ZNF2: variants seen among roughly 807,000 people sequenced by gnomAD.
ZNF2 encodes the protein zinc finger protein 2.2.
ZNF2 carries 12 observed loss-of-function variants against 21.9 expected under a neutral mutation model. The observed-to-expected ratio is 0.55, with a 90% CI of 0.35 to 0.89. The LOEUF is 0.89. Ranked by LOEUF, ZNF2 falls within the 40% of genes least tolerant of loss-of-function variation. ZNF2 has a pLI of 0.01. For missense variants in ZNF2, 462 were observed against 544.2 expected (o/e 0.85, Z 1.50); for synonymous variants, 186 against 196.3 (o/e 0.95, Z 0.44).
chr2:95,181,952 G>A lies in ZNF2; in HGVS notation c.1124G>A (p.Gly375Glu). The A allele has an allele frequency of 6.2e-7, 1 of 1,614,288 alleles. No homozygotes were observed. Among genetic ancestry groups the A allele is most frequent in the Non-Finnish European group, 8.5e-7 (1 of 1,180,058 alleles). ...GDKPYECSEC[G>E]KAFSQRCRLT... The stretch of plus-strand genomic sequence containing the variant: ...AAGCCATATGAATGCAGCGAATGCG[G>A]GAAAGCCTTTAGCCAGCGGTGCCGG... Residue 375 changes from glycine to glutamate, a missense_variant, in exon 5 of 5, where the codon GGG (glycine) becomes GAG (glutamate). Physicochemically the swap from Gly to Glu is moderately conservative, Grantham distance 98 (BLOSUM62 -2). Transcript: ENST00000614034.
chr2:95,177,619 G>A lies in ZNF2; in HGVS notation c.160+10G>A, dbSNP rs779390084. On this transcript the variant is annotated intron_variant, in intron 3 of 4. Transcript: ENST00000614034. ...AGCATTGTGTCATTGGGTAAGGGGA[G>A]CCTCCATGAGGAGGTACAGTCTGTA... 1 of 1,612,916 alleles carries A rather than the reference G, an allele frequency of 6.2e-7. No individual in the cohort carries two copies.
chr2:95,166,176 G>A (rs1234792218), intron 1 of ZNF2, among the ~76,000 whole-genome samples: 3 of 151,588 alleles, frequency 2.0e-5, no homozygotes, highest in African/African-American at 7.3e-5. Flanking sequence ...GGGTGGAATT[G>A]ACACCAAATC....
In ZNF2 at chr2:95,168,578, C is replaced by T. The variant is rs376192374; in HGVS notation, c.-40+2718C>T. On this transcript the variant is annotated intron_variant, in intron 1 of 4. Coordinates refer to ENST00000614034, the MANE Select transcript of ZNF2 (RefSeq NM_021088.4). Reference sequence around the variant, plus strand: ...GACCTCACACATCTCGCTGCCCTAGCACATAACAGCTACTTGGTACATATT... The same window carrying T: ...GACCTCACACATCTCGCTGCCCTAGTACATAACAGCTACTTGGTACATATT... 1.2e-4 allele frequency among the ~76,000 whole-genome samples: 18 copies of T among 152,310 alleles called. No individual in the cohort carries two copies. The East Asian group carries it at 3.1e-3, about 26-fold the overall frequency.
rs188399209 is a variant in ZNF2, at chr2:95,172,783, C to T, written c.-39-3405C>T. Among the ~76,000 whole-genome samples, 54 of 151,910 alleles carry T rather than the reference C, an allele frequency of 3.6e-4. 1 individual carries two copies. The highest frequency in any genetic ancestry group is 3.1e-3 in the Admixed American group (48 of 15,260). Reference sequence around the variant, plus strand: ...TCCAGGGTAGCTGGCACTACAGCCACGTGCCATCATGCCTGGCTAATTTTT... The same window carrying T: ...TCCAGGGTAGCTGGCACTACAGCCATGTGCCATCATGCCTGGCTAATTTTT... On this transcript the variant is annotated intron_variant, in intron 1 of 4. Transcript: ENST00000614034.
intron 1 of ZNF2, among the ~76,000 whole-genome samples, chr2:95,166,385 T>A (rs1674041645): frequency 6.6e-6 from 1 of 152,018 alleles, no homozygotes; most frequent in African/African-American, 2.4e-5. Context: ...AGATAGTTTT[T>A]ACAGAAATGC....
chr2:95,180,277 C>CT lies in ZNF2; in HGVS notation c.274+6dup, dbSNP rs748220314. ...GGCCAGAGAGTGTCTCTCTAGGTAA[C>CT]TGAGTGTGAACAAGACAGAATGGAA... On this transcript the variant is annotated splice_donor_region_variant and intron_variant, in intron 4 of 4. Transcript: ENST00000614034. The CT allele has an allele frequency of 6.3e-7, 1 of 1,593,580 alleles. No individual in the cohort carries two copies. The highest frequency in any genetic ancestry group is 1.1e-5 in the South Asian group (1 of 90,274).
intron 1 of ZNF2, among the ~76,000 whole-genome samples, chr2:95,171,677 A>T (rs941846041): frequency 1.3e-5 from 2 of 152,164 alleles, no homozygotes; most frequent in Non-Finnish European, 2.9e-5. Context: ...CACCGCACCC[A>T]GCCTGTCTGT....
In ZNF2 at chr2:95,181,799, G is replaced by A. The variant is rs756579685; in HGVS notation, c.971G>A (p.Gly324Asp). 1.2e-5 allele frequency: 20 copies of A among 1,614,014 alleles called. No individual in the cohort carries two copies. The highest frequency in any genetic ancestry group is 1.5e-5 in the Non-Finnish European group (18 of 1,180,040). Residue 324 changes from glycine to aspartate, a missense_variant, in exon 5 of 5, where the codon GGT becomes GAT. Physicochemically the swap from Gly to Asp is moderately conservative, Grantham distance 94 (BLOSUM62 -1). Coordinates refer to ENST00000614034, the MANE Select transcript of ZNF2 (RefSeq NM_021088.4). ...AACGAGTGCGGGAAAGCTTTCTATG[G>A]TGTCTCGTCTCTGAATAGACATCAG... ...ECNECGKAFY[G>D]VSSLNRHQKA... is the part of the protein sequence containing the mutation.
chr2:95,181,175 G>A lies in ZNF2; in HGVS notation c.347G>A (p.Gly116Glu). ...KSEGSLRECL[G>E]RQSPLCPKFE... The stretch of plus-strand genomic sequence containing the variant: ...GAAGGATCATTGAGGGAATGCCTTG[G>A]AAGGCAAAGTCCTCTGTGTCCTAAA... Residue 116 changes from glycine (G) to glutamate (E), a missense_variant, in exon 5 of 5, where the codon GGA (glycine) becomes GAA (glutamate). Coordinates refer to ENST00000614034, the MANE Select transcript of ZNF2 (RefSeq NM_021088.4). The A allele has an allele frequency of 1.9e-6, 3 of 1,614,214 alleles. No individual in the cohort carries two copies. Among genetic ancestry groups the A allele is most frequent in the Non-Finnish European group, 2.5e-6 (3 of 1,180,032 alleles).
chr2:95,182,189 A>T lies in ZNF2; in HGVS notation c.*83A>T. 1 of 1,501,508 alleles carries T rather than the reference A, an allele frequency of 6.7e-7. No individual in the cohort carries two copies. Among genetic ancestry groups the T allele is most frequent in the Non-Finnish European group, 8.9e-7 (1 of 1,123,410 alleles). The allele number at this position is 1,501,508 out of a possible 1,614,324, so 93.0% of individuals were successfully genotyped here. A position where few individuals can be genotyped will look rare whatever the true frequency, so the allele number is the denominator to read the frequency against. On this transcript the variant is annotated 3_prime_UTR_variant, in exon 5 of 5. Transcript: ENST00000614034. ...CCTGTCTTAAAGCTGCCATTTGCTC[A>T]TTCTACCCACTCTGGCTGCCGTTGT...
chr2:95,175,899 G>A (rs1395803022), intron 1 of ZNF2, among the ~76,000 whole-genome samples: 1 of 152,134 alleles, frequency 6.6e-6, no homozygotes, highest in Non-Finnish European at 1.5e-5. Context: ...GAATTTTTAC[G>A]TACTGTGTGA....
At chr2:95,167,431 G>T (rs528080983) in intron 1 of ZNF2, among the ~76,000 whole-genome samples, 2 of 150,768 alleles carry the variant, frequency 1.3e-5, no homozygotes, top group Non-Finnish European at 3.0e-5. Flanking sequence ...GCATGAACCC[G>T]GCAGGCGGAG....
chr2:95,174,835 AG>A (rs935238067), intron 1 of ZNF2, among the ~76,000 whole-genome samples: 2 of 152,184 alleles, frequency 1.3e-5, no homozygotes, highest in Non-Finnish European at 2.9e-5. Context: ...GCTTGATGTA[AG>A]TAGTTGGTGC....
chr2:95,179,884 C>A lies in ZNF2; in HGVS notation c.161-275C>A, dbSNP rs1370725168. ...CCAGCGTGGCCATGATGGCAAAGCC[C>A]CATCTCTACTAAAAATACAAAAATT... On this transcript the variant is annotated intron_variant, in intron 3 of 4. Coordinates refer to ENST00000614034, the MANE Select transcript of ZNF2 (RefSeq NM_021088.4). Among the ~76,000 whole-genome samples, 3 of 152,216 alleles carry A rather than the reference C, an allele frequency of 2.0e-5. No homozygotes were observed. In the East Asian group the frequency reaches 5.8e-4, roughly 29 times the overall value.
chr2:95,181,694 A>G lies in ZNF2; in HGVS notation c.866A>G (p.Gln289Arg), dbSNP rs1674668423. The change falls in exon 5 of 5, where the codon CAG becomes CGG. Residue 289 changes from glutamine (Q) to arginine (R), a missense_variant. By Grantham distance (43) the Gln-to-Arg change is conservative. Coordinates refer to ENST00000614034, the MANE Select transcript of ZNF2 (RefSeq NM_021088.4). ...HTGESPYECHQCGKAFSQKSI... is the reference protein window; with the variant it reads ...HTGESPYECHRCGKAFSQKSI... ...GGAGAAAGTCCTTATGAATGTCATCAGTGTGGGAAAGCCTTTAGCCAGAAA... is the reference window on the plus strand; with the variant it reads ...GGAGAAAGTCCTTATGAATGTCATCGGTGTGGGAAAGCCTTTAGCCAGAAA... 3 of 1,614,264 alleles carry G rather than the reference A, an allele frequency of 1.9e-6. No homozygotes were observed. The highest frequency in any genetic ancestry group is 2.2e-5 in the South Asian group (2 of 91,092).
chr2:95,178,021 T>A (rs913092551), intron 3 of ZNF2, among the ~76,000 whole-genome samples: 5 of 151,932 alleles, frequency 3.3e-5, no homozygotes, highest in African/African-American at 1.2e-4. Flanking sequence ...CCCAGAGGAG[T>A]GTGCGCTGGG....
Position 95,182,217 on chromosome 2 carries a change from T to G in ZNF2, c.*111T>G. The stretch of plus-strand genomic sequence containing the variant: ...CTACCCACTCTGGCTGCCGTTGTCC[T>G]GTCCTGCTTCTGCGCCAGAGTGTTT... On this transcript the variant is annotated 3_prime_UTR_variant, in exon 5 of 5. Coordinates refer to ENST00000614034, the MANE Select transcript of ZNF2 (RefSeq NM_021088.4). 1 of 1,369,088 alleles carries G rather than the reference T, an allele frequency of 7.3e-7. No individual in the cohort carries two copies. Among genetic ancestry groups the G allele is most frequent in the South Asian group, 1.4e-5 (1 of 69,934 alleles). The allele number at this position is 1,369,088 out of a possible 1,614,324, so 84.8% of individuals were successfully genotyped here. A position where few individuals can be genotyped will look rare whatever the true frequency, so the allele number is the denominator to read the frequency against.
At chr2:95,170,269 A>G (rs1674225738) in intron 1 of ZNF2, among the ~76,000 whole-genome samples, 1 of 152,196 alleles carries the variant, frequency 6.6e-6, no homozygotes, top group African/African-American at 2.4e-5. Flanking sequence ...GCCTCCTCCC[A>G]GCAAGATTCA....
At position 95,182,927 on chromosome 2, in the gene ZNF2, G is replaced by A. The variant is rs1674730660; in HGVS notation, c.*821G>A. ...CTTACAGGTCTTTGTATCTCACACA[G>A]TGCCTTGCTAATAGGTGCTCAATAA... On this transcript the variant is annotated 3_prime_UTR_variant, in exon 5 of 5. Transcript: ENST00000614034. 6.6e-6 allele frequency: 1 copy of A among 152,198 alleles called. No individual in the cohort carries two copies. The highest frequency in any genetic ancestry group is 2.4e-5 in the African/African-American group (1 of 41,444). 9.4% of individuals were successfully genotyped at this position (152,198 alleles called of 1,614,324 possible). A position where few individuals can be genotyped will look rare whatever the true frequency, so the allele number is the denominator to read the frequency against.
Sources: gnomAD v4.1 joint callset for allele counts (sites outside exome capture counted in the v4.1 genomes callset) on GRCh38, gnomAD v4.1.1 for gene constraint, MANE v1.5 for transcripts, NCBI Gene and HGNC (gene_info 2026-07-23, HGNC 2026-07-21) for gene names.